Variants in SYN3 observed in about 807,000 individuals in gnomAD.
SYN3 encodes synapsin III.
A neutral mutation model predicts 65.8 loss-of-function variants in SYN3; 35 were observed. That is an observed-to-expected ratio of 0.53 (90% CI 0.41 to 0.70). The LOEUF is 0.70. Ranked by LOEUF, SYN3 falls within the 30% of genes least tolerant of loss-of-function variation. The probability of loss-of-function intolerance (pLI) is 0.00; values close to 1 mark genes in which losing one functional copy is unlikely to be tolerated. For synonymous variants in SYN3, 270 were observed against 292.9 expected, an observed-to-expected ratio of 0.92 and a Z score of 0.80; for missense variants, 680 against 749.0, an observed-to-expected ratio of 0.91 and a Z score of 1.08.
At chr22:32,904,482 T>C (rs539141844) in intron 4 of SYN3, among the ~76,000 whole-genome samples, 48 of 152,200 alleles carry the variant, frequency 3.2e-4, no homozygotes, top group South Asian at 1.2e-3. Flanking sequence ...CTACTCTTGA[T>C]TGAGTGAGAC....
At chr22:32,981,588 C>CAATAATAATAAT (rs534663521) in intron 2 of SYN3, among the ~76,000 whole-genome samples, 6 of 149,894 alleles carry the variant, frequency 4.0e-5, no homozygotes, top group African/African-American at 1.5e-4. Flanking sequence ...CAGTCTCAAA[C>CAATAATAATAAT]AATAATAATA....
intron 6 of SYN3, chr22:32,857,229 G>C: frequency 6.3e-7 from 1 of 1,584,538 alleles, no homozygotes; most frequent in Non-Finnish European, 8.7e-7. Flanking sequence ...AAGAAGTCAT[G>C]ATGTTCCTTT....
Position 32,643,945 on chromosome 22 carries a change from G to T in SYN3, c.712-47209C>A, listed in dbSNP as rs1283045117. 2.6e-5 allele frequency among the ~76,000 whole-genome samples: 4 copies of T among 151,412 alleles called. No homozygotes were observed. The East Asian group carries it at 7.8e-4, about 30-fold the overall frequency. On this transcript the variant is annotated intron_variant, in intron 6 of 13. Transcript: ENST00000358763. Reference sequence around the variant, plus strand: ...TCTCTACTAAAAATACAAAAAATTAGCTGGGCACCTGTAATCCCAGCTACT... The same window carrying T: ...TCTCTACTAAAAATACAAAAAATTATCTGGGCACCTGTAATCCCAGCTACT...
intron 7 of SYN3, among the ~76,000 whole-genome samples, chr22:32,580,447 TTTA>T (rs1328846578): frequency 1.3e-5 from 2 of 152,186 alleles, no homozygotes; most frequent in Non-Finnish European, 2.9e-5. Context: ...TTTATTATTA[TTTA>T]TTATTATTTC....
At chr22:32,962,746 A>G (rs1456825861) in intron 3 of SYN3, among the ~76,000 whole-genome samples, 1 of 152,098 alleles carries the variant, frequency 6.6e-6, no homozygotes, top group African/African-American at 2.4e-5. Context: ...AACTCACAAG[A>G]TCACTGTAAG....
At chr22:32,624,911 A>G (rs1393269039) in intron 6 of SYN3, among the ~76,000 whole-genome samples, 1 of 152,190 alleles carries the variant, frequency 6.6e-6, no homozygotes. Flanking sequence ...CACTTGCTCA[A>G]GTCAAATAAG....
intron 4 of SYN3, among the ~76,000 whole-genome samples, chr22:32,918,720 C>T (rs2146623137): frequency 6.6e-6 from 1 of 152,256 alleles, no homozygotes; most frequent in East Asian, 1.9e-4. Context: ...GTCACATCTG[C>T]AGAAATGTTT....
Position 32,753,553 on chromosome 22 carries a change from C to T in SYN3, c.711+111362G>A, listed in dbSNP as rs565138702. Among the ~76,000 whole-genome samples, 5 of 152,340 alleles carry T rather than the reference C, an allele frequency of 3.3e-5. No individual in the cohort carries two copies. The South Asian group carries it at 1.0e-3, about 32-fold the overall frequency. The stretch of plus-strand genomic sequence containing the variant: ...TTAGCCCACCAGAGACCTTCACTGG[C>T]TCCCCACGTTTCACAGGAAAAGTCC... On this transcript the variant is annotated intron_variant, in intron 6 of 13. Coordinates refer to ENST00000358763, the MANE Select transcript of SYN3 (RefSeq NM_003490.4).
chr22:32,804,716 G>A (rs1275103554), intron 6 of SYN3, among the ~76,000 whole-genome samples: 3 of 152,206 alleles, frequency 2.0e-5, no homozygotes, highest in Admixed American at 1.3e-4. Flanking sequence ...GTTAAAAGGT[G>A]TTTCTATGGC....
chr22:32,946,637 A>G (rs1219683712), intron 3 of SYN3, among the ~76,000 whole-genome samples: 1 of 152,334 alleles, frequency 6.6e-6, no homozygotes, highest in Non-Finnish European at 1.5e-5. Context: ...ACATGTATAC[A>G]TAGGTAACAA....
At chr22:32,780,602 C>T (rs1036584356) in intron 6 of SYN3, among the ~76,000 whole-genome samples, 1 of 152,134 alleles carries the variant, frequency 6.6e-6, no homozygotes, top group Non-Finnish European at 1.5e-5. Flanking sequence ...GGAGGGATTA[C>T]ACCTTGACCT....
chr22:32,852,731 T>C (rs1193897675), intron 6 of SYN3, among the ~76,000 whole-genome samples: 1 of 144,098 alleles, frequency 6.9e-6, no homozygotes, highest in African/African-American at 2.6e-5. Flanking sequence ...CACAGAGACC[T>C]GCGATATGTG....
chr22:32,979,104 G>A (rs932420641), intron 3 of SYN3, among the ~76,000 whole-genome samples: 1 of 149,728 alleles, frequency 6.7e-6, no homozygotes, highest in Admixed American at 6.8e-5. Flanking sequence ...GGCTGAGGCA[G>A]AAGAATCACT....
chr22:33,010,608 A>G (rs2053325030), intron 1 of SYN3, among the ~76,000 whole-genome samples: 1 of 152,154 alleles, frequency 6.6e-6, no homozygotes, highest in Admixed American at 6.5e-5. Flanking sequence ...GAGTCCTCCA[A>G]CTTAAATTTT....
chr22:32,513,570 T>C lies in SYN3; in HGVS notation c.*122A>G. ...TAATCGGTTCCTGGGTCAAAGGCAT[T>C]TAGAAAGTATGTTCTCAGGCCCTCC... is the stretch of plus-strand genomic sequence containing the variant. On this transcript the variant is annotated 3_prime_UTR_variant, in exon 14 of 14. Transcript: ENST00000358763. 7.7e-7 allele frequency: 1 copy of C among 1,298,956 alleles called. No individual in the cohort carries two copies. The highest frequency in any genetic ancestry group is 1.1e-6 in the Non-Finnish European group (1 of 948,516). The allele number at this position is 1,298,956 out of a possible 1,614,324, so 80.5% of individuals were successfully genotyped here.
intron 7 of SYN3, among the ~76,000 whole-genome samples, chr22:32,590,891 A>G (rs1376840781): frequency 6.6e-6 from 1 of 152,200 alleles, no homozygotes; most frequent in Non-Finnish European, 1.5e-5. Context: ...GTGACATATG[A>G]TGCTATTTAA....
At chr22:32,643,558 G>A (rs560223019) in intron 6 of SYN3, among the ~76,000 whole-genome samples, 2 of 27,060 alleles carry the variant, frequency 7.4e-5, no homozygotes, top group East Asian at 4.1e-3. Context: ...GTGGGGGGGC[G>A]GGGGGGGCAG....
At chr22:32,988,315 A>G (rs913662774) in intron 2 of SYN3, among the ~76,000 whole-genome samples, 23 of 61,050 alleles carry the variant, frequency 3.8e-4, no homozygotes, top group African/African-American at 1.0e-3. Flanking sequence ...CAAAATAATA[A>G]TAATAATAAT....
intron 3 of SYN3, chr22:32,947,534 G>A (rs2051149850): frequency 1.3e-5 from 2 of 152,290 alleles, no homozygotes; most frequent in Admixed American, 6.5e-5. Flanking sequence ...CAGGCAGAGA[G>A]CAGGGGAAAG....
Sources: allele counts gnomAD v4.1 joint callset (sites outside exome capture counted in the v4.1 genomes callset), GRCh38; gene constraint gnomAD v4.1.1; transcripts MANE v1.5; gene names NCBI Gene and HGNC (gene_info 2026-07-23, HGNC 2026-07-21).